Variants in GPC5 observed in about 807,000 individuals in gnomAD.
The protein encoded by GPC5 is glypican-5.
Under a neutral mutation model 53.9 loss-of-function variants are expected in GPC5, and 47 were observed. The ratio of observed to expected loss-of-function variants is 0.87; its 90% confidence interval spans 0.69 to 1.11. The LOEUF (loss-of-function observed/expected upper bound fraction) is 1.11, where lower values mean the gene tolerates loss of function less well. Ranked by LOEUF, GPC5 falls within the 50% of genes most tolerant of loss-of-function variation. GPC5 has a pLI of 0.00. For synonymous variants in GPC5, 286 were observed against 263.3 expected, an observed-to-expected ratio of 1.09 and a Z score of -0.84; for missense variants, 748 against 713.1, an observed-to-expected ratio of 1.05 and a Z score of -0.56.
At chr13:92,752,145 G>C (rs1345365245) in intron 7 of GPC5, among the ~76,000 whole-genome samples, 1 of 151,448 alleles carries the variant, frequency 6.6e-6, no homozygotes, top group South Asian at 2.1e-4. Context: ...AAACAAATAC[G>C]TGGAGTGTGT....
At chr13:92,641,785 A>C in intron 7 of GPC5, among the ~76,000 whole-genome samples, 1 of 152,220 alleles carries the variant, frequency 6.6e-6, no homozygotes, top group East Asian at 1.9e-4. Context: ...CTTTTCTATA[A>C]ATAAAGTAAA....
intron 7 of GPC5, among the ~76,000 whole-genome samples, chr13:92,586,929 A>G (rs1468650302): frequency 6.7e-6 from 1 of 150,042 alleles, no homozygotes; most frequent in Non-Finnish European, 1.5e-5. Context: ...ACTTGTATAT[A>G]TGTCTTTCTC....
intron 6 of GPC5, among the ~76,000 whole-genome samples, chr13:92,029,648 T>C (rs1328516463): frequency 6.6e-6 from 1 of 152,248 alleles, no homozygotes; most frequent in African/African-American, 2.4e-5. Flanking sequence ...TGTGATTTAC[T>C]ATGCGATTAA....
chr13:92,864,495 C>T (rs566313158), intron 7 of GPC5, among the ~76,000 whole-genome samples: 10 of 152,138 alleles, frequency 6.6e-5, no homozygotes, highest in East Asian at 1.9e-4. Flanking sequence ...CCCATCCAAA[C>T]ACAAATTCAC....
At chr13:91,922,963 G>C (rs2039730910) in intron 6 of GPC5, among the ~76,000 whole-genome samples, 1 of 152,128 alleles carries the variant, frequency 6.6e-6, no homozygotes, top group Non-Finnish European at 1.5e-5. Context: ...ACCCTCCATT[G>C]AATTCTGGGA....
At chr13:91,488,743 T>A (rs920777979) in intron 2 of GPC5, among the ~76,000 whole-genome samples, 2 of 152,210 alleles carry the variant, frequency 1.3e-5, no homozygotes, top group African/African-American at 2.4e-5. Context: ...AGAGCATGTG[T>A]GTTTGAACAA....
At chr13:92,238,001 C>A (rs1363285674) in intron 7 of GPC5, among the ~76,000 whole-genome samples, 1 of 151,944 alleles carries the variant, frequency 6.6e-6, no homozygotes, top group East Asian at 1.9e-4. Context: ...GCCGTACATT[C>A]TCATTTTTAT....
At chr13:92,008,479 G>T (rs1224863927) in intron 6 of GPC5, among the ~76,000 whole-genome samples, 1 of 147,134 alleles carries the variant, frequency 6.8e-6, no homozygotes, top group Non-Finnish European at 1.5e-5. Context: ...CTCTTTATGG[G>T]TTTTTTTTTT....
intron 7 of GPC5, among the ~76,000 whole-genome samples, chr13:92,641,803 T>G (rs1378384987): frequency 1.3e-5 from 2 of 152,194 alleles, no homozygotes. Context: ...AAAATGCATT[T>G]ATTTAATAAG....
chr13:92,314,898 C>T (rs1172334527), intron 7 of GPC5, among the ~76,000 whole-genome samples: 3 of 152,148 alleles, frequency 2.0e-5, no homozygotes, highest in Non-Finnish European at 2.9e-5. Context: ...CCTCACCCTA[C>T]TGAGTAGCTG....
intron 7 of GPC5, among the ~76,000 whole-genome samples, chr13:92,156,731 T>G (rs994605274): frequency 6.6e-6 from 1 of 152,154 alleles, no homozygotes; most frequent in Non-Finnish European, 1.5e-5. Flanking sequence ...TTACGTGAAT[T>G]TCCCAATCAT....
intron 7 of GPC5, among the ~76,000 whole-genome samples, chr13:92,465,979 G>A (rs1878674757): frequency 1.3e-5 from 2 of 151,892 alleles, no homozygotes; most frequent in South Asian, 2.1e-4. Flanking sequence ...GTGATGAAAG[G>A]CGATATGATT....
chr13:92,115,031 A>G (rs2041589313), intron 6 of GPC5, among the ~76,000 whole-genome samples: 2 of 152,338 alleles, frequency 1.3e-5, no homozygotes, highest in African/African-American at 4.8e-5. Flanking sequence ...TATTTTCCAC[A>G]GAATTTGATT....
intron 2 of GPC5, among the ~76,000 whole-genome samples, chr13:91,585,972 C>T (rs529346031): frequency 6.6e-6 from 1 of 151,890 alleles, no homozygotes; most frequent in East Asian, 1.9e-4. Flanking sequence ...AACTTATTAA[C>T]ATCAGTGTTA....
rs532547413 is a variant in GPC5, at chr13:92,522,924, G to A, written c.1562-343358G>A. On this transcript the variant is annotated intron_variant, in intron 7 of 7. Transcript: ENST00000377067. ...AAAATACGTTTTTCAAAAAATAAAT[G>A]TTTTTGGTAAAAACAATGTTTTATG... is the stretch of plus-strand genomic sequence containing the variant. Among the ~76,000 whole-genome samples the A allele has an allele frequency of 5.3e-5, 8 of 152,034 alleles. 1 individual carries two copies. The highest frequency in any genetic ancestry group is 1.9e-4 in the African/African-American group (8 of 41,492).
At chr13:91,518,926 T>A (rs1885655301) in intron 2 of GPC5, among the ~76,000 whole-genome samples, 1 of 152,180 alleles carries the variant, frequency 6.6e-6, no homozygotes, top group Admixed American at 6.5e-5. Context: ...CAAGCAGTTC[T>A]CACATCATCT....
chr13:92,253,863 C>A (rs1038505127), intron 7 of GPC5, among the ~76,000 whole-genome samples: 4 of 151,866 alleles, frequency 2.6e-5, no homozygotes, highest in Admixed American at 6.6e-5. Flanking sequence ...TAGTTAGGGT[C>A]CCAAAAGGAA....
At chr13:92,455,386 C>CT (rs1361335444) in intron 7 of GPC5, among the ~76,000 whole-genome samples, 5 of 152,024 alleles carry the variant, frequency 3.3e-5, no homozygotes, top group Non-Finnish European at 1.5e-5. Flanking sequence ...TGTATGATCT[C>CT]TAAAAATTCA....
At chr13:91,844,186 T>A (rs1269011076) in intron 5 of GPC5, among the ~76,000 whole-genome samples, 1 of 152,142 alleles carries the variant, frequency 6.6e-6, no homozygotes, top group African/African-American at 2.4e-5. Flanking sequence ...ATTTTAGAGA[T>A]TTTGTAAGAA....
Sources: allele counts gnomAD v4.1 joint callset (sites outside exome capture counted in the v4.1 genomes callset), GRCh38; gene constraint gnomAD v4.1.1; transcripts MANE v1.5; gene names NCBI Gene and HGNC (gene_info 2026-07-23, HGNC 2026-07-21).